The following BCR variants were observed in gnomAD, a reference collection of about 807,000 sequenced individuals.
BCR encodes breakpoint cluster region protein.
BCR carries 58 observed loss-of-function variants against 138.6 expected under a neutral mutation model. The ratio of observed to expected loss-of-function variants is 0.42; its 90% CI spans 0.34 to 0.52. The LOEUF is 0.52. Among genes scored for constraint, BCR ranks in the 20% least tolerant of loss-of-function variants. The pLI, the probability that BCR is intolerant of heterozygous loss-of-function variation, is 0.06. For missense variants in BCR, 1,599 were observed against 1,727.2 expected (o/e 0.93, Z 1.32); for synonymous variants, 786 against 730.1 (o/e 1.08, Z -1.23).
rs2072267494 is a variant in BCR, at chr22:23,181,766, C to T, written c.806C>T (p.Pro269Leu). 1 of 1,606,166 alleles carries T rather than the reference C, an allele frequency of 6.2e-7. No homozygotes were observed. The highest frequency in any genetic ancestry group is 8.5e-7 in the Non-Finnish European group (1 of 1,179,978). ...NLIDANGGSR[P>L]PWPPLEYQPY... ...ATCGACGCCAATGGCGGTAGCAGGC[C>T]CCCTTGGCCGCCCCTGGAGTACCAG... is the stretch of plus-strand genomic sequence containing the variant. The change falls in exon 1 of 23, where the codon CCC becomes CTC. Residue 269 changes from proline to leucine, a missense_variant. Pro to Leu is a moderately conservative substitution (Grantham distance 98). This residue lies in a region of BCR where 806 missense variants were observed against 635.0 expected (regional missense o/e 1.27). Coordinates refer to ENST00000305877, the MANE Select transcript of BCR (RefSeq NM_004327.4).
intron 2 of BCR, among the ~76,000 whole-genome samples, chr22:23,255,965 G>A (rs1602069448): frequency 6.6e-6 from 1 of 152,358 alleles, no homozygotes; most frequent in African/African-American, 2.4e-5. Flanking sequence ...CTCCTTTCCA[G>A]AAACCTTCTG....
At chr22:23,313,916 A>C in intron 20 of BCR, 52 bp from the exon 21 acceptor site, 7 of 1,446,054 alleles carry the variant, frequency 4.8e-6, no homozygotes, top group Non-Finnish European at 6.8e-6. Context: ...ACACCTCGGG[A>C]GAGGTCTCTG....
At chr22:23,185,788 C>T (rs952416726) in intron 1 of BCR, among the ~76,000 whole-genome samples, 20 of 151,328 alleles carry the variant, frequency 1.3e-4, no homozygotes, top group Admixed American at 3.3e-4. Context: ...GAGTGCAGCC[C>T]AGCGATCTCG....
intron 1 of BCR, chr22:23,251,250 C>T (rs948824450): frequency 2.6e-5 from 4 of 152,174 alleles, no homozygotes; most frequent in Admixed American, 6.5e-5. Context: ...GGTCAGCAGC[C>T]GGCAATGCTA....
chr22:23,306,291 C>T (rs2267027), intron 16 of BCR: 12,630 of 152,368 alleles, frequency 0.083, 581 homozygotes, highest in East Asian at 0.15. Context: ...GGGGAGTGGA[C>T]GCTGGCTGGA....
At chr22:23,287,054 T>G (rs2073722421) in intron 10 of BCR, 105 bp from the exon 11 acceptor site, 1 of 1,531,922 alleles carries the variant, frequency 6.5e-7, no homozygotes, top group Admixed American at 2.0e-5. Flanking sequence ...ATGGGATTCT[T>G]GCCCTCTGCA....
chr22:23,262,928 A>C, intron 4 of BCR: 1 of 1,104,654 alleles, frequency 9.1e-7, no homozygotes. Flanking sequence ...GAGAGGAAGC[A>C]GAGGGAGGCG....
chr22:23,202,237 TA>T (rs1239697669), intron 1 of BCR, among the ~76,000 whole-genome samples: 1 of 152,180 alleles, frequency 6.6e-6, no homozygotes, highest in African/African-American at 2.4e-5. Flanking sequence ...TCATGTACCA[TA>T]CAATTCAACC....
intron 1 of BCR, among the ~76,000 whole-genome samples, chr22:23,227,152 A>G (rs1004619991): frequency 6.6e-6 from 1 of 152,190 alleles, no homozygotes; most frequent in Non-Finnish European, 1.5e-5. Flanking sequence ...GTCTGTCATA[A>G]AATATTTGAG....
At chr22:23,284,350 A>G (rs11704598) in intron 9 of BCR, among the ~76,000 whole-genome samples, 35,145 of 151,978 alleles carry the variant, frequency 0.23, 4,423 homozygotes, top group Middle Eastern at 0.3. Flanking sequence ...TATTGCAGAA[A>G]GGTCACCTCA....
At chr22:23,315,323 G>A in intron 22 of BCR, 110 bp from the exon 23 acceptor site, 1 of 960,078 alleles carries the variant, frequency 1.0e-6, no homozygotes, top group Non-Finnish European at 1.7e-6. Flanking sequence ...CACCAGCAGG[G>A]GTCCCCAGCA....
At chr22:23,305,636 G>T (rs541903147) in intron 16 of BCR, among the ~76,000 whole-genome samples, 7 of 152,294 alleles carry the variant, frequency 4.6e-5, no homozygotes, top group Non-Finnish European at 5.9e-5. Context: ...GGATGTGCAC[G>T]ATAGTTTTCT....
chr22:23,220,982 C>T (rs1219434387), intron 1 of BCR, among the ~76,000 whole-genome samples: 1 of 152,162 alleles, frequency 6.6e-6, no homozygotes. Context: ...CTGTTAGAAC[C>T]CGCCTCTTTG....
intron 8 of BCR, among the ~76,000 whole-genome samples, chr22:23,274,930 A>AG (rs2073557016): frequency 6.7e-6 from 1 of 148,954 alleles, no homozygotes; most frequent in Non-Finnish European, 1.5e-5. Flanking sequence ...AAAAAAAAAA[A>AG]AGAGAACCAC....
intron 2 of BCR, among the ~76,000 whole-genome samples, chr22:23,256,523 G>C (rs2073297076): frequency 6.6e-6 from 1 of 152,176 alleles, no homozygotes; most frequent in South Asian, 2.1e-4. Context: ...TCGCCGGCTG[G>C]GCCGCAGGAC....
intron 1 of BCR, among the ~76,000 whole-genome samples, chr22:23,253,009 G>A (rs768252191): frequency 6.6e-6 from 1 of 152,152 alleles, no homozygotes; most frequent in Non-Finnish European, 1.5e-5. Flanking sequence ...TTATCTATTG[G>A]CCGTAAATTG....
chr22:23,295,435 G>A (rs899545892), intron 16 of BCR, among the ~76,000 whole-genome samples: 2 of 152,160 alleles, frequency 1.3e-5, no homozygotes, highest in African/African-American at 4.8e-5. Context: ...GTTCCTGCCC[G>A]GCCTTAGGAG....
chr22:23,301,733 G>A (rs2073904084), intron 16 of BCR, among the ~76,000 whole-genome samples: 1 of 152,222 alleles, frequency 6.6e-6, no homozygotes, highest in South Asian at 2.1e-4. Flanking sequence ...TGAAGGCTGG[G>A]GAGAGGGGTC....
At chr22:23,230,936 G>A (rs990780371) in intron 1 of BCR, among the ~76,000 whole-genome samples, 7 of 152,214 alleles carry the variant, frequency 4.6e-5, no homozygotes, top group African/African-American at 7.2e-5. Flanking sequence ...CACAGGTGGA[G>A]TAGAGGGCAC....
Sources: allele counts gnomAD v4.1 joint callset (sites outside exome capture counted in the v4.1 genomes callset), GRCh38; gene constraint gnomAD v4.1.1; regional missense constraint gnomAD v4.1.1; transcripts MANE v1.5; gene names NCBI Gene and HGNC (gene_info 2026-07-23, HGNC 2026-07-21).